CACNA1A: variants seen among roughly 807,000 people sequenced by gnomAD.
CACNA1A encodes the protein voltage-dependent P/Q-type calcium channel subunit alpha-1A.
CACNA1A carries 57 observed loss-of-function variants against 262.4 expected under a neutral mutation model. That is an observed-to-expected ratio of 0.22 (90% CI 0.18 to 0.27). The LOEUF is 0.27. CACNA1A is among the 10% of genes least tolerant of loss of function. The pLI is 1.00. For synonymous variants in CACNA1A, 1,431 were observed against 1,419.3 expected, an observed-to-expected ratio of 1.01 and a Z score of -0.18; for missense variants, 2,526 against 3,562.8, an observed-to-expected ratio of 0.71 and a Z score of 7.41.
At chr19:13,496,078 AT>A (rs1981491264) in intron 1 of CACNA1A, among the ~76,000 whole-genome samples, 1 of 147,558 alleles carries the variant, frequency 6.8e-6, no homozygotes, top group African/African-American at 2.7e-5. Context: ...CCATCCATCC[AT>A]CCATCCATCC....
intron 1 of CACNA1A, among the ~76,000 whole-genome samples, chr19:13,486,943 C>T (rs1298382425): frequency 6.6e-6 from 1 of 152,118 alleles, no homozygotes; most frequent in Non-Finnish European, 1.5e-5. Flanking sequence ...TCTTTTAACA[C>T]TTATTTATCA....
intron 19 of CACNA1A, among the ~76,000 whole-genome samples, chr19:13,297,831 AT>A (rs367899263): frequency 0.17 from 25,086 of 143,798 alleles, 2,160 homozygotes; most frequent in African/African-American, 0.23. Context: ...AACATACAGC[AT>A]TTTTTTTTTT....
At chr19:13,370,710 C>T (rs551193630) in intron 4 of CACNA1A, 1 of 147,892 alleles carries the variant, frequency 6.8e-6, no homozygotes, top group South Asian at 2.2e-4. Context: ...AGGTGTGAGC[C>T]ACTGTGCCCA....
Position 13,308,339 on chromosome 19 carries a change from C to T in CACNA1A, c.1781+77G>A. 6.4e-7 allele frequency: 1 copy of T among 1,557,672 alleles called. No individual in the cohort carries two copies. The highest frequency in any genetic ancestry group is 8.7e-7 in the Non-Finnish European group (1 of 1,147,284). On this transcript the variant is annotated intron_variant, in intron 13 of 46. Transcript: ENST00000360228. The surrounding 1 kb of genome is among the most constrained non-coding windows in gnomAD (Gnocchi z 4.2). ...CCTCGAAACACGAGGCTCACTTTCC[C>T]AACTTTCTGGAGGCGGCCCCACCAT...
At chr19:13,219,165 C>T (rs769832152) in intron 38 of CACNA1A, among the ~76,000 whole-genome samples, 6 of 151,304 alleles carry the variant, frequency 4.0e-5, no homozygotes, top group Non-Finnish European at 7.4e-5. Context: ...CCTTAGCCTT[C>T]CAAGTAGCTG....
At chr19:13,483,805 T>G (rs1030496857) in intron 1 of CACNA1A, among the ~76,000 whole-genome samples, 1 of 152,184 alleles carries the variant, frequency 6.6e-6, no homozygotes, top group East Asian at 1.9e-4. Flanking sequence ...CCCCACTTCT[T>G]GTTTAAGCCC....
Position 13,300,584 on chromosome 19 carries a change from T to G in CACNA1A, c.2245A>C (p.Ser749Arg), listed in dbSNP as rs1248327304. 1.9e-6 allele frequency: 3 copies of G among 1,613,802 alleles called. No individual in the cohort carries two copies. Among genetic ancestry groups the G allele is most frequent in the South Asian group, 1.1e-5 (1 of 91,084 alleles). The change falls in exon 18 of 47, where the codon AGT (serine) becomes CGT (arginine). Residue 749 changes from serine (S) to arginine (R), a missense_variant. Coordinates refer to ENST00000360228, the MANE Select transcript of CACNA1A (RefSeq NM_001127222.2). ...LQKAKEVAEV[S>R]PLSAANMSIA... The stretch of plus-strand genomic sequence containing the variant: ...GACATGTTGGCCGCGGACAGAGGAC[T>G]CACTTCTGCCACCTCCTTGGCTTTC...
chr19:13,231,889 G>A (rs778193837), intron 34 of CACNA1A, 29 bp from the exon 35 acceptor site: 59 of 1,602,770 alleles, frequency 3.7e-5, no homozygotes, highest in Non-Finnish European at 4.6e-5. Context: ...CAGAGACTCG[G>A]ACACCCAGCC....
rs561572403 is a variant in CACNA1A, at chr19:13,208,720, C to T, written c.6780+36G>A. The T allele has an allele frequency of 1.4e-4, 215 of 1,536,458 alleles. 3 individuals are homozygous for T. The South Asian group carries it at 2.1e-3, about 15-fold the overall frequency. Reference sequence around the variant, plus strand: ...CCTTCTCTCCTCCCCGCCTCCCGGCCGAGCCCAGCCTGGGGTCACTTGCAG... The same window carrying T: ...CCTTCTCTCCTCCCCGCCTCCCGGCTGAGCCCAGCCTGGGGTCACTTGCAG... On this transcript the variant is annotated intron_variant, in intron 46 of 46. Transcript: ENST00000360228.
intron 5 of CACNA1A, chr19:13,362,821 T>C (rs1037513063): frequency 6.6e-6 from 1 of 152,224 alleles, no homozygotes; most frequent in African/African-American, 2.4e-5. Context: ...TTCTAAGCGA[T>C]TGGCACGGTG....
chr19:13,500,240 A>T (rs946280419), intron 1 of CACNA1A, among the ~76,000 whole-genome samples: 1 of 152,230 alleles, frequency 6.6e-6, no homozygotes, highest in Non-Finnish European at 1.5e-5. Context: ...TTTGCTCAGC[A>T]AACGTTTATA....
chr19:13,281,996 C>T (rs1037901236), intron 22 of CACNA1A, among the ~76,000 whole-genome samples: 2 of 152,210 alleles, frequency 1.3e-5, no homozygotes, highest in African/African-American at 4.8e-5. Flanking sequence ...TTGTGGACCC[C>T]TCCAGGGACA....
chr19:13,231,748 A>G lies in CACNA1A; in HGVS notation c.5362T>C (p.Phe1788Leu). 3 of 1,613,714 alleles carry G rather than the reference A, an allele frequency of 1.9e-6. No individual in the cohort carries two copies. The highest frequency in any genetic ancestry group is 2.5e-6 in the Non-Finnish European group (3 of 1,179,764). Residue 1788 changes from phenylalanine to leucine, a missense_variant, in exon 35 of 47, where the codon TTT (phenylalanine) becomes CTT (leucine). Phe to Leu is a conservative substitution (Grantham distance 22, BLOSUM62 0). Around this residue, in one of 17 missense-constraint regions of CACNA1A, gnomAD observed 39 missense variants for 124.9 expected, o/e 0.31. Coordinates refer to ENST00000360228, the MANE Select transcript of CACNA1A (RefSeq NM_001127222.2). The part of the protein sequence containing the change: ...TRECGNEFAY[F>L]YFVSFIFLCS... ...AGGAAGATGAAGGAAACAAAGTAAA[A>G]ATAAGCAAATTCATTGCCACACTCT...
chr19:13,463,519 G>A (rs2061164883), intron 1 of CACNA1A, among the ~76,000 whole-genome samples: 1 of 152,130 alleles, frequency 6.6e-6, no homozygotes, highest in Non-Finnish European at 1.5e-5. Context: ...ACGGCCAGCG[G>A]CAAAGAGGCA....
At position 13,207,440 on chromosome 19, in the gene CACNA1A, G is replaced by C; in HGVS notation, c.7394C>G (p.Pro2465Arg). ...PRASGPACAS[P>R]SRHGRRLPNG... is the part of the protein sequence containing the mutation. ...GGGGAGTCGCCGGCCGTGCCGAGAA[G>C]GCGAGGCGCAGGCCGGGCCCGAGGC... is the stretch of plus-strand genomic sequence containing the variant. The change falls in exon 47 of 47, where the codon CCT becomes CGT. Residue 2465 changes from proline (P) to arginine (R), a missense_variant. By Grantham distance (103) the Pro-to-Arg change is moderately radical. This residue lies in a region of CACNA1A where 929 missense variants were observed against 868.1 expected (regional missense o/e 1.07). Coordinates refer to ENST00000360228, the MANE Select transcript of CACNA1A (RefSeq NM_001127222.2). The surrounding 1 kb of genome is among the most constrained non-coding windows in gnomAD (Gnocchi z 5.7). 1 of 1,517,410 alleles carries C rather than the reference G, an allele frequency of 6.6e-7. No individual in the cohort carries two copies. The allele number at this position is 1,517,410 out of a possible 1,614,324, so 94.0% of individuals were successfully genotyped here. A position where few individuals can be genotyped will look rare whatever the true frequency, so the allele number is the denominator to read the frequency against.
chr19:13,374,251 T>A (rs2059369532), intron 3 of CACNA1A, among the ~76,000 whole-genome samples: 1 of 152,082 alleles, frequency 6.6e-6, no homozygotes, highest in Admixed American at 6.6e-5. Context: ...ATGAATTTAT[T>A]TATTTTTATT....
chr19:13,209,307 C>T lies in CACNA1A; in HGVS notation c.6526+5G>A. 2 of 1,421,680 alleles carry T rather than the reference C, an allele frequency of 1.4e-6. No individual in the cohort carries two copies. The highest frequency in any genetic ancestry group is 9.2e-7 in the Non-Finnish European group (1 of 1,084,898). The allele number at this position is 1,421,680 out of a possible 1,614,324, so 88.1% of individuals were successfully genotyped here. A position where few individuals can be genotyped will look rare whatever the true frequency, so the allele number is the denominator to read the frequency against. Reference sequence around the variant, plus strand: ...CTTGTCCCTGAGCACCACAGGGCTGCCCACCTGTGTCCACATCGGTGTAGC... The same window carrying T: ...CTTGTCCCTGAGCACCACAGGGCTGTCCACCTGTGTCCACATCGGTGTAGC... On this transcript the variant is annotated splice_donor_5th_base_variant and intron_variant, in intron 45 of 46. Transcript: ENST00000360228.
intron 3 of CACNA1A, among the ~76,000 whole-genome samples, chr19:13,408,714 C>T (rs2060056352): frequency 6.6e-6 from 1 of 152,160 alleles, no homozygotes; most frequent in Admixed American, 6.5e-5. Context: ...ATGTTCTTCC[C>T]ATAAGCTCAT....
chr19:13,376,384 C>T (rs2059404469), intron 3 of CACNA1A, among the ~76,000 whole-genome samples: 1 of 152,072 alleles, frequency 6.6e-6, no homozygotes, highest in Non-Finnish European at 1.5e-5. Context: ...CCAATGCTCA[C>T]TTACCATTCC....
Sources: allele counts gnomAD v4.1 joint callset (sites outside exome capture counted in the v4.1 genomes callset), GRCh38; gene constraint gnomAD v4.1.1; regional missense constraint gnomAD v4.1.1; non-coding constraint Gnocchi (gnomAD v3.1); transcripts MANE v1.5; gene names NCBI Gene and HGNC (gene_info 2026-07-23, HGNC 2026-07-21).